PLXDC2: variants seen among roughly 807,000 people sequenced by gnomAD.
PLXDC2 encodes the protein plexin domain containing 2, also known as plexin domain-containing protein 2.
A neutral mutation model predicts 68.9 loss-of-function variants in PLXDC2; 40 were observed. The observed-to-expected ratio is 0.58, with a 90% confidence interval of 0.45 to 0.76. The LOEUF is 0.76. Ranked by LOEUF, PLXDC2 falls within the 30% of genes least tolerant of loss-of-function variation. The pLI is 0.00. For missense variants in PLXDC2, 644 were observed against 661.9 expected (o/e 0.97, Z 0.30); for synonymous variants, 243 against 234.2 (o/e 1.04, Z -0.34).
intron 1 of PLXDC2, among the ~76,000 whole-genome samples, chr10:19,986,482 A>C (rs1238697001): frequency 6.6e-6 from 1 of 151,998 alleles, no homozygotes; most frequent in African/African-American, 2.4e-5. Flanking sequence ...ATAAATGGGA[A>C]TGGAACAAAG....
chr10:20,070,822 T>G (rs1708002821), intron 4 of PLXDC2: 1 of 152,258 alleles, frequency 6.6e-6, no homozygotes, highest in African/African-American at 2.4e-5. Context: ...TTTCTCAAAT[T>G]GTTTTATCTT....
At chr10:20,104,675 T>C (rs1453875613) in intron 4 of PLXDC2, among the ~76,000 whole-genome samples, 1 of 152,010 alleles carries the variant, frequency 6.6e-6, no homozygotes, top group African/African-American at 2.4e-5. Context: ...ATTTCACTAT[T>C]AACATTGTTA....
intron 6 of PLXDC2, among the ~76,000 whole-genome samples, chr10:20,156,281 A>G (rs188559720): frequency 2.0e-5 from 3 of 152,214 alleles, no homozygotes; most frequent in Admixed American, 6.5e-5. Flanking sequence ...TTCCAATTCA[A>G]TGTGAGCAGT....
intron 1 of PLXDC2, among the ~76,000 whole-genome samples, chr10:19,903,665 G>C (rs75720447): frequency 0.033 from 4,738 of 142,694 alleles, 236 homozygotes; most frequent in African/African-American, 0.11. Flanking sequence ...TTGTTTGTTT[G>C]TTTCACTTTC....
chr10:20,152,182 A>G (rs944868372), intron 6 of PLXDC2, among the ~76,000 whole-genome samples: 11 of 152,126 alleles, frequency 7.2e-5, no homozygotes, highest in African/African-American at 2.7e-4. Flanking sequence ...TAAATGATGA[A>G]TGATCAATAA....
chr10:19,898,724 A>G (rs1838106819), intron 1 of PLXDC2, among the ~76,000 whole-genome samples: 1 of 152,202 alleles, frequency 6.6e-6, no homozygotes, highest in Non-Finnish European at 1.5e-5. Context: ...AATTGTCAAA[A>G]TCCAGCGTAC....
intron 4 of PLXDC2, among the ~76,000 whole-genome samples, chr10:20,081,786 A>G (rs1836563497): frequency 6.6e-6 from 1 of 151,982 alleles, no homozygotes; most frequent in African/African-American, 2.4e-5. Flanking sequence ...CATGCCTGTA[A>G]TCCCAGCACT....
chr10:19,831,612 G>T (rs1414708657), intron 1 of PLXDC2, among the ~76,000 whole-genome samples: 1 of 152,112 alleles, frequency 6.6e-6, no homozygotes, highest in Non-Finnish European at 1.5e-5. Context: ...ATAGACCCCA[G>T]TGTCTGTTGT....
At chr10:20,199,405 G>A (rs950362335) in intron 9 of PLXDC2, among the ~76,000 whole-genome samples, 3 of 151,820 alleles carry the variant, frequency 2.0e-5, no homozygotes, top group Non-Finnish European at 2.9e-5. Flanking sequence ...AATTCTAGTT[G>A]CAGAAAAAAG....
intron 1 of PLXDC2, among the ~76,000 whole-genome samples, chr10:19,881,682 A>G (rs947837133): frequency 1.3e-5 from 2 of 152,236 alleles, no homozygotes; most frequent in African/African-American, 4.8e-5. Context: ...TGAGAAAATG[A>G]AAAGGGTCAA....
chr10:19,870,777 A>G (rs1395433756), intron 1 of PLXDC2, among the ~76,000 whole-genome samples: 7 of 152,154 alleles, frequency 4.6e-5, no homozygotes, highest in African/African-American at 9.7e-5. Flanking sequence ...ATTTGTTTCT[A>G]TGTAACACCT....
At chr10:20,223,937 T>A (rs1255923790) in intron 12 of PLXDC2, among the ~76,000 whole-genome samples, 1 of 151,910 alleles carries the variant, frequency 6.6e-6, no homozygotes, top group Non-Finnish European at 1.5e-5. Flanking sequence ...GTGGATTTAA[T>A]TCACCTGTAA....
chr10:20,142,787 C>T (rs1054634825), intron 4 of PLXDC2, among the ~76,000 whole-genome samples: 1 of 151,756 alleles, frequency 6.6e-6, no homozygotes, highest in African/African-American at 2.4e-5. Context: ...TGTTTAGCCC[C>T]CTTTCAACTT....
chr10:20,001,534 T>TA (rs142475773), intron 1 of PLXDC2, among the ~76,000 whole-genome samples: 35,186 of 152,048 alleles, frequency 0.23, 4,849 homozygotes, highest in Non-Finnish European at 0.33. Flanking sequence ...CATCTGTTTT[T>TA]AAAAACTCTG....
intron 2 of PLXDC2, among the ~76,000 whole-genome samples, chr10:20,022,462 T>C (rs1835328821): frequency 2.0e-5 from 3 of 152,278 alleles, no homozygotes; most frequent in South Asian, 4.1e-4. Flanking sequence ...AAGGCTGAGG[T>C]CAGAACCCAG....
intron 7 of PLXDC2, among the ~76,000 whole-genome samples, chr10:20,168,781 T>G (rs1834408493): frequency 6.6e-6 from 1 of 152,182 alleles, no homozygotes; most frequent in South Asian, 2.1e-4. Context: ...CATAGCACAT[T>G]ATAATTCTGA....
At chr10:19,927,756 G>T (rs1408074737) in intron 1 of PLXDC2, among the ~76,000 whole-genome samples, 1 of 150,704 alleles carries the variant, frequency 6.6e-6, no homozygotes, top group African/African-American at 2.4e-5. Context: ...ATCATGGGTG[G>T]GTATAATATC....
intron 4 of PLXDC2, among the ~76,000 whole-genome samples, chr10:20,073,731 A>T (rs1836382775): frequency 6.6e-6 from 1 of 152,192 alleles, no homozygotes; most frequent in African/African-American, 2.4e-5. Flanking sequence ...GAATTTCATC[A>T]AAACAGTTTC....
At chr10:20,023,155 A>G (rs1041666430) in intron 2 of PLXDC2, among the ~76,000 whole-genome samples, 6 of 149,774 alleles carry the variant, frequency 4.0e-5, no homozygotes, top group East Asian at 1.9e-4. Context: ...TTATATATAT[A>G]TATTATCTAC....
Sources: allele counts gnomAD v4.1 joint callset (sites outside exome capture counted in the v4.1 genomes callset), GRCh38; gene constraint gnomAD v4.1.1; transcripts MANE v1.5; gene names NCBI Gene and HGNC (gene_info 2026-07-23, HGNC 2026-07-21).